ZNF827: variants seen among roughly 807,000 people sequenced by gnomAD.
ZNF827 encodes zinc finger protein 827.
Under a neutral mutation model 102.4 loss-of-function variants are expected in ZNF827, and 13 were observed. The ratio of observed to expected loss-of-function variants is 0.13; its 90% CI spans 0.08 to 0.20. ZNF827 has a LOEUF of 0.20. Ranked by LOEUF, ZNF827 falls within the 10% of genes least tolerant of loss-of-function variation. The pLI is 1.00. For missense variants in ZNF827, 1,103 were observed against 1,344.4 expected (o/e 0.82, Z 2.81); for synonymous variants, 523 against 536.2 (o/e 0.98, Z 0.34).
intron 5 of ZNF827, among the ~76,000 whole-genome samples, chr4:145,850,031 A>G (rs1244933883): frequency 6.6e-6 from 1 of 151,308 alleles, no homozygotes; most frequent in East Asian, 1.9e-4. Context: ...TTTCCTGAGA[A>G]GTAGTTTCAC....
chr4:145,893,050 T>G (rs1030072601), intron 2 of ZNF827, among the ~76,000 whole-genome samples: 2 of 152,240 alleles, frequency 1.3e-5, no homozygotes, highest in Admixed American at 1.3e-4. Context: ...TTTTTGACCC[T>G]TTTATTTCTG....
chr4:145,849,205 T>C (rs2126654209), intron 6 of ZNF827, 117 bp downstream of exon 6: 1 of 1,347,124 alleles, frequency 7.4e-7, no homozygotes. Flanking sequence ...AGCAACAAAA[T>C]TGATTTCTGT....
At chr4:145,903,280 C>T in intron 1 of ZNF827, 65 bp from the exon 2 acceptor site, 2 of 1,519,190 alleles carry the variant, frequency 1.3e-6, no homozygotes, top group East Asian at 2.3e-5. Flanking sequence ...TCAAGACATT[C>T]AAATGGAGGT....
chr4:145,869,907 T>A (rs916399951), intron 5 of ZNF827, among the ~76,000 whole-genome samples: 13 of 152,174 alleles, frequency 8.5e-5, no homozygotes, highest in Non-Finnish European at 1.5e-4. Context: ...TAGGAAAGAA[T>A]AGATATTTTG....
chr4:145,787,387 C>T (rs865948176), intron 8 of ZNF827, among the ~76,000 whole-genome samples: 1 of 149,632 alleles, frequency 6.7e-6, no homozygotes, highest in Non-Finnish European at 1.5e-5. Flanking sequence ...CGCTTGAACC[C>T]GGAGGTAGAG....
intron 1 of ZNF827, among the ~76,000 whole-genome samples, chr4:145,910,561 T>C (rs1465299170): frequency 3.9e-5 from 6 of 152,180 alleles, no homozygotes; most frequent in African/African-American, 1.4e-4. Context: ...ACTACTAACC[T>C]GGTACCCAGT....
intron 1 of ZNF827, among the ~76,000 whole-genome samples, chr4:145,917,229 T>C (rs894877534): frequency 5.9e-5 from 9 of 152,208 alleles, no homozygotes; most frequent in African/African-American, 1.9e-4. Flanking sequence ...CACTTCTTAG[T>C]ACCAATTTTC....
At chr4:145,798,008 T>C (rs1740534186) in intron 8 of ZNF827, among the ~76,000 whole-genome samples, 1 of 152,176 alleles carries the variant, frequency 6.6e-6, no homozygotes, top group African/African-American at 2.4e-5. Flanking sequence ...GAATTTAAGA[T>C]TAAATGGATA....
In ZNF827 at chr4:145,815,035, ATG is replaced by A. The variant is rs932694607; in HGVS notation, c.2383+8385_2383+8386del. Among the ~76,000 whole-genome samples the A allele has an allele frequency of 1.8e-4, 27 of 152,212 alleles. 1 individual carries two copies. The highest frequency in any genetic ancestry group is 3.2e-3 in the Middle Eastern group (1 of 316). ...ATCCAAACAAATGGTGTCCAAACTTATGGTGTGTGCCATGGTGGGTGATGATT... is the reference window on the plus strand; with the variant it reads ...ATCCAAACAAATGGTGTCCAAACTTAGTGTGTGCCATGGTGGGTGATGATT... On this transcript the variant is annotated intron_variant, in intron 8 of 14. Transcript: ENST00000508784.
chr4:145,930,315 G>A (rs1753709083), intron 1 of ZNF827, among the ~76,000 whole-genome samples: 1 of 152,128 alleles, frequency 6.6e-6, no homozygotes, highest in African/African-American at 2.4e-5. Flanking sequence ...CTCCTTTGAA[G>A]GCCAGCTTCT....
chr4:145,808,417 C>T, intron 8 of ZNF827, among the ~76,000 whole-genome samples: 1 of 152,244 alleles, frequency 6.6e-6, no homozygotes, highest in East Asian at 1.9e-4. Flanking sequence ...CATCATGAAT[C>T]TTTCAAGCCT....
rs948413611 is a variant in ZNF827 at position 145,902,112 on chromosome 4, C to T, written c.1093+54G>A. On this transcript the variant is annotated intron_variant, in intron 2 of 14. Transcript: ENST00000508784. This position sits in a 1 kb window ranked among gnomAD's most constrained non-coding sequence, Gnocchi z 4.3. Reference sequence around the variant, plus strand: ...CTGAAAAAAGCAATGAATAAGACATCGCAGTTTATAGTCTAAAGGACTTAC... The same window carrying T: ...CTGAAAAAAGCAATGAATAAGACATTGCAGTTTATAGTCTAAAGGACTTAC... The T allele has an allele frequency of 8.6e-6, 13 of 1,519,850 alleles. No individual in the cohort carries two copies. Among genetic ancestry groups the T allele is most frequent in the East Asian group, 2.3e-5 (1 of 44,088 alleles). 94.1% of individuals were successfully genotyped at this position (1,519,850 alleles called of 1,614,324 possible).
At chr4:145,796,347 A>G (rs1179537591) in intron 8 of ZNF827, among the ~76,000 whole-genome samples, 1 of 152,228 alleles carries the variant, frequency 6.6e-6, no homozygotes, top group East Asian at 1.9e-4. Flanking sequence ...CGAAACTGGG[A>G]ACACTGGGAA....
At chr4:145,919,231 A>G (rs1484605119) in intron 1 of ZNF827, among the ~76,000 whole-genome samples, 1 of 152,230 alleles carries the variant, frequency 6.6e-6, no homozygotes, top group African/African-American at 2.4e-5. Context: ...AGCCTGGACT[A>G]TAAGAGTTAA....
chr4:145,765,176 C>T lies in ZNF827; in HGVS notation c.3053-11G>A, dbSNP rs1243830419. On this transcript the variant is annotated splice_polypyrimidine_tract_variant and intron_variant, in intron 12 of 14. Transcript: ENST00000508784. This position sits in a 1 kb window ranked among gnomAD's most constrained non-coding sequence, Gnocchi z 4.7. ...AAACACATTCGAACCCTGCAAGGACCGAAGCTGGGTATAGAGGTGCACAGG... is the reference window on the plus strand; with the variant it reads ...AAACACATTCGAACCCTGCAAGGACTGAAGCTGGGTATAGAGGTGCACAGG... 4.4e-6 allele frequency: 7 copies of T among 1,594,126 alleles called. No homozygotes were observed. The highest frequency in any genetic ancestry group is 2.2e-5 in the East Asian group (1 of 44,798).
At chr4:145,779,345 G>C in intron 9 of ZNF827, 29 bp downstream of exon 9, 1 of 1,609,198 alleles carries the variant, frequency 6.2e-7, no homozygotes, top group Non-Finnish European at 8.5e-7. Flanking sequence ...GAGCATAGAG[G>C]GCTGACAGCC....
intron 1 of ZNF827, chr4:145,907,207 TC>T (rs1751939368): frequency 4.4e-6 from 2 of 456,546 alleles, no homozygotes; most frequent in Non-Finnish European, 8.8e-6. Flanking sequence ...ACTTTTTTTT[TC>T]TTCTTTTTTT....
intron 4 of ZNF827, among the ~76,000 whole-genome samples, chr4:145,874,813 G>C (rs1360853005): frequency 6.6e-6 from 1 of 152,156 alleles, no homozygotes; most frequent in African/African-American, 2.4e-5. Context: ...TGATGAGAAA[G>C]CCCTTGGTAA....
chr4:145,805,125 TTGTG>T (rs35536912), intron 8 of ZNF827, among the ~76,000 whole-genome samples: 30,371 of 148,186 alleles, frequency 0.2, 3,720 homozygotes, highest in East Asian at 0.62. Flanking sequence ...GCAATTCCTT[TTGTG>T]TGTGTGTGTG....
Sources: allele counts gnomAD v4.1 joint callset (sites outside exome capture counted in the v4.1 genomes callset), GRCh38; gene constraint gnomAD v4.1.1; non-coding constraint Gnocchi (gnomAD v3.1); transcripts MANE v1.5; gene names NCBI Gene and HGNC (gene_info 2026-07-23, HGNC 2026-07-21).